Variants in ADGRF3 observed in about 807,000 individuals in gnomAD.
ADGRF3 encodes G protein-coupled receptor 113.
In ADGRF3, 85 loss-of-function variants were observed where a neutral mutation model predicts 93.2. That is an observed-to-expected ratio of 0.91 (90% CI 0.77 to 1.09). The LOEUF (loss-of-function observed/expected upper bound fraction) is 1.09. Ranked by LOEUF, ADGRF3 falls within the 50% of genes least tolerant of loss-of-function variation. The probability of loss-of-function intolerance (pLI) is 0.00; values close to 1 mark genes in which losing one functional copy is unlikely to be tolerated. For synonymous variants in ADGRF3, 534 were observed against 532.5 expected (o/e 1.00, Z -0.04); for missense variants, 1,125 against 1,246.2 (o/e 0.90, Z 1.46).
Position 26,310,955 on chromosome 2 carries a change from C to T in ADGRF3, c.2569G>A (p.Ala857Thr), listed in dbSNP as rs779979897. The T allele has an allele frequency of 2.5e-6, 4 of 1,613,716 alleles. No homozygotes were observed. The South Asian group carries it at 4.4e-5, about 18-fold the overall frequency. Residue 857 changes from alanine to threonine, a missense_variant, in exon 10 of 14, where the codon GCG becomes ACG. By Grantham distance (58) the Ala-to-Thr change is moderately conservative (BLOSUM62 0). Coordinates refer to ENST00000651242, the MANE Select transcript of ADGRF3 (RefSeq NM_001321971.2). ...GECWLDGKGGALYTFVGPVLA... is the reference protein window; with the variant it reads ...GECWLDGKGGTLYTFVGPVLA... ...ACTGGCCCCACGAAGGTGTATAACG[C>T]CCCTCCCTTCCCATCCAACCAGCAT...
intron 1 of ADGRF3, among the ~76,000 whole-genome samples, chr2:26,336,049 A>G (rs1047912442): frequency 2.0e-5 from 3 of 152,206 alleles, no homozygotes. Context: ...CAAGGCACTT[A>G]GAGTCCAGTA....
chr2:26,338,543 A>C (rs1306694313), intron 1 of ADGRF3, among the ~76,000 whole-genome samples: 1 of 151,998 alleles, frequency 6.6e-6, no homozygotes, highest in Admixed American at 6.5e-5. Flanking sequence ...GCTCACTGCA[A>C]CCTCTGCCTC....
chr2:26,340,745 C>G (rs1401331619), intron 1 of ADGRF3, among the ~76,000 whole-genome samples: 4 of 152,150 alleles, frequency 2.6e-5, no homozygotes, highest in Non-Finnish European at 5.9e-5. Flanking sequence ...AATTCTTCCT[C>G]CATTCATAGA....
Position 26,344,732 on chromosome 2 carries a change from C to CAAGATCTAGCTACTTG in ADGRF3, c.114+1388_114+1389insCAAGTAGCTAGATCTT, listed in dbSNP as rs1488570254. On this transcript the variant is annotated intron_variant, in intron 1 of 13. Transcript: ENST00000651242. ...CCTGTAGTTCTAGCTACTTGGGAGA[C>CAAGATCTAGCTACTTG]GGAAGCAAGATCACCTGAGCCAGGG... Among the ~76,000 whole-genome samples, 4 of 152,186 alleles carry CAAGATCTAGCTACTTG rather than the reference C, an allele frequency of 2.6e-5. No homozygotes were observed. The East Asian group carries it at 5.8e-4, about 22-fold the overall frequency.
intron 1 of ADGRF3, among the ~76,000 whole-genome samples, chr2:26,339,862 G>T (rs188660955): frequency 6.6e-6 from 1 of 152,274 alleles, no homozygotes; most frequent in African/African-American, 2.4e-5. Flanking sequence ...AGGTGGATTA[G>T]GACCCAAGAG....
intron 1 of ADGRF3, among the ~76,000 whole-genome samples, chr2:26,323,399 G>A (rs945976862): frequency 6.6e-6 from 1 of 152,164 alleles, no homozygotes; most frequent in African/African-American, 2.4e-5. Flanking sequence ...GCTTCTCTGA[G>A]CTCCTAGGTT....
In ADGRF3 at chr2:26,311,210, G is replaced by A. The variant is rs1042982185; in HGVS notation, c.2314C>T (p.Leu772Phe). 15 of 1,603,068 alleles carry A rather than the reference G, an allele frequency of 9.4e-6. No individual in the cohort carries two copies. The highest frequency in any genetic ancestry group is 1.3e-5 in the Non-Finnish European group (15 of 1,175,104). Residue 772 changes from leucine to phenylalanine, a missense_variant, in exon 10 of 14, where the codon CTC (leucine) becomes TTC (phenylalanine). Coordinates refer to ENST00000651242, the MANE Select transcript of ADGRF3 (RefSeq NM_001321971.2). ...PFLSPGPRSP[L>F]CLAAAFLCHF... ...CAGAGGAAGGCGGCAGCAAGGCAGA[G>A]CGGGCTTCGGGGCCCTGGAGAGAGG...
At chr2:26,335,069 C>T (rs1360799159) in intron 1 of ADGRF3, among the ~76,000 whole-genome samples, 1 of 152,164 alleles carries the variant, frequency 6.6e-6, no homozygotes, top group Non-Finnish European at 1.5e-5. Context: ...ATAAAATTCA[C>T]CCTTTTAAAG....
intron 1 of ADGRF3, among the ~76,000 whole-genome samples, chr2:26,327,322 T>G (rs1675486212): frequency 6.6e-6 from 1 of 152,196 alleles, no homozygotes; most frequent in African/African-American, 2.4e-5. Flanking sequence ...TGAGGTGAGT[T>G]CCTCTTCAAA....
At chr2:26,327,722 G>A (rs1675516317) in intron 1 of ADGRF3, among the ~76,000 whole-genome samples, 3 of 150,882 alleles carry the variant, frequency 2.0e-5, no homozygotes. Context: ...GGGGGCGGGA[G>A]AGAGAGAGAC....
intron 1 of ADGRF3, among the ~76,000 whole-genome samples, chr2:26,339,101 T>G (rs1325023044): frequency 2.0e-4 from 17 of 84,286 alleles, no homozygotes; most frequent in African/African-American, 8.3e-4. Flanking sequence ...GGCAACAGAG[T>G]AAGACTCCGT....
chr2:26,346,008 C>T, intron 1 of ADGRF3, 113 bp downstream of exon 1: 1 of 1,150,938 alleles, frequency 8.7e-7, no homozygotes. Flanking sequence ...AGCGGGCTAG[C>T]AACCCCCCCT....
At chr2:26,334,313 TA>T (rs1169727457) in intron 1 of ADGRF3, among the ~76,000 whole-genome samples, 1 of 151,790 alleles carries the variant, frequency 6.6e-6, no homozygotes, top group Admixed American at 6.6e-5. Context: ...AAAGTAAATT[TA>T]AAAAACCACC....
rs749229882 is a variant in ADGRF3 at position 26,311,655 on chromosome 2, C to T, written c.1869G>A (p.Met623Ile). 1 of 1,613,434 alleles carries T rather than the reference C, an allele frequency of 6.2e-7. No homozygotes were observed. The highest frequency in any genetic ancestry group is 8.5e-7 in the Non-Finnish European group (1 of 1,179,882). The change falls in exon 10 of 14, where the codon ATG becomes ATA. Residue 623 changes from methionine to isoleucine, a missense_variant. Physicochemically the swap from Met to Ile is conservative, Grantham distance 10. Transcript: ENST00000651242. ...CCTGGCTGAAGGCCCGGTCACCTGC[C>T]ATGATGGAAATGACAAGGACCAGGC... The part of the protein sequence containing the change: ...TPGLVLVISI[M>I]AGDRAFSQGE...
chr2:26,311,043 C>T lies in ADGRF3; in HGVS notation c.2481G>A (p.Leu827=), dbSNP rs115902922. ...GCCCCAGGGTGACACCTGCCAACCC[C>T]AGTGGGCACAGGTAGCCCAGGAGCA... ...LMVLLGYLCP[L]GLAGVTLGLY... Residue 827 remains leucine (L), a synonymous_variant, in exon 10 of 14, where the codon CTG becomes CTA. Coordinates refer to ENST00000651242, the MANE Select transcript of ADGRF3 (RefSeq NM_001321971.2). 5,975 of 1,610,158 alleles carry T rather than the reference C, an allele frequency of 3.7e-3. 163 individuals are homozygous for T. In the African/African-American group the frequency reaches 0.067, roughly 18 times the overall value.
At position 26,309,557 on chromosome 2, in the gene ADGRF3, C is replaced by G. The variant is rs754490774; in HGVS notation, c.2962G>C (p.Glu988Gln). Residue 988 changes from glutamate (E) to glutamine (Q), a missense_variant, in exon 13 of 14, where the codon GAA becomes CAA. Coordinates refer to ENST00000651242, the MANE Select transcript of ADGRF3 (RefSeq NM_001321971.2). ...GTGTCGCTTCCTCCTTTGCTGTGTT[C>G]CAAGATGCAGCCTTCATTTGTGGCC... ...SLATNEGCIL[E>Q]HSKGGSDTAR... is the part of the protein sequence containing the mutation. 8 of 1,612,778 alleles carry G rather than the reference C, an allele frequency of 5.0e-6. No individual in the cohort carries two copies. The highest frequency in any genetic ancestry group is 6.8e-6 in the Non-Finnish European group (8 of 1,179,554).
Position 26,315,536 on chromosome 2 carries a change from G to C in ADGRF3, c.704C>G (p.Ser235Cys), listed in dbSNP as rs774670295. The C allele has an allele frequency of 6.4e-7, 1 of 1,551,048 alleles. No homozygotes were observed. Among genetic ancestry groups the C allele is most frequent in the Non-Finnish European group, 8.7e-7 (1 of 1,146,804 alleles). Residue 235 changes from serine to cysteine, a missense_variant, in exon 5 of 14, where the codon TCC becomes TGC. Physicochemically the swap from Ser to Cys is moderately radical, Grantham distance 112. Transcript: ENST00000651242. ...AGGCTGGCTACCTGCCCAGTGATGG[G>C]ACATGTTGGAGACGCTGAGGGCAGC... ...GQAALSVSNM[S>C]HHWAGEYMSC...
chr2:26,314,879 C>A, intron 5 of ADGRF3: 1 of 478,300 alleles, frequency 2.1e-6, no homozygotes, highest in Non-Finnish European at 3.7e-6. Flanking sequence ...GAGCAGATGC[C>A]CTTCCTGCAC....
Position 26,313,386 on chromosome 2 carries a change from A to G in ADGRF3, c.1260T>C (p.Thr420=), listed in dbSNP as rs893459170. 1.9e-6 allele frequency: 3 copies of G among 1,592,070 alleles called. No homozygotes were observed. The highest frequency in any genetic ancestry group is 1.7e-6 in the Non-Finnish European group (2 of 1,169,742). ...CTDARLLALF[T]RTKLLQAGQG... is the part of the protein sequence containing the mutation. ...AGGGTGGAAGCTTCACCTTGGTTCTAGTGAACAAGGCCAGGAGCCTCGCAT... is the reference window on the plus strand; with the variant it reads ...AGGGTGGAAGCTTCACCTTGGTTCTGGTGAACAAGGCCAGGAGCCTCGCAT... The change falls in exon 8 of 14, where the codon ACT becomes ACC. Residue 420 remains threonine, a synonymous_variant. Transcript: ENST00000651242.
Sources: gnomAD v4.1 joint callset for allele counts (sites outside exome capture counted in the v4.1 genomes callset) on GRCh38, gnomAD v4.1.1 for gene constraint, MANE v1.5 for transcripts, NCBI Gene and HGNC (gene_info 2026-07-23, HGNC 2026-07-21) for gene names.